Variants in FAM120B observed in about 807,000 individuals in gnomAD.
The protein encoded by FAM120B is family with sequence similarity 120 member B.
In FAM120B, 83 loss-of-function variants were observed where a neutral mutation model predicts 96.3. The observed-to-expected ratio is 0.86, with a 90% CI of 0.72 to 1.03. FAM120B has a LOEUF of 1.03. FAM120B is among the 50% of genes least tolerant of loss of function. The pLI is 0.00. For missense variants in FAM120B, 1,027 were observed against 1,121.2 expected (o/e 0.92, Z 1.20); for synonymous variants, 407 against 402.7 (o/e 1.01, Z -0.13).
chr6:170,332,773 C>T (rs979419196), intron 4 of FAM120B, among the ~76,000 whole-genome samples: 4 of 152,190 alleles, frequency 2.6e-5, no homozygotes, highest in East Asian at 3.9e-4. Context: ...AGGTTCTTGT[C>T]GCACCATTAG....
chr6:170,305,981 C>T (rs1784266441), upstream of FAM120B, among the ~76,000 whole-genome samples: 1 of 152,178 alleles, frequency 6.6e-6, no homozygotes, highest in Non-Finnish European at 1.5e-5. Context: ...CCTGTCCCCG[C>T]CACCATGTAT....
intron 2 of FAM120B, among the ~76,000 whole-genome samples, chr6:170,320,597 AG>A (rs1224593763): frequency 1.3e-5 from 2 of 152,234 alleles, no homozygotes; most frequent in Admixed American, 6.5e-5. Flanking sequence ...GAAGGAGGAA[AG>A]GTTTTACAGG....
Position 170,406,268 on chromosome 6 carries a change from T to C in FAM120B, c.*1517T>C, listed in dbSNP as rs1487077487. 2 of 152,214 alleles carry C rather than the reference T, an allele frequency of 1.3e-5. No homozygotes were observed. Among genetic ancestry groups the C allele is most frequent in the Non-Finnish European group, 2.9e-5 (2 of 68,064 alleles). 9.4% of individuals were successfully genotyped at this position (152,214 alleles called of 1,614,324 possible). ...AAGAAAAGCTGGTGGTGACCCCTGC[T>C]CCTGCTGGGCCATGCCATGGCTCTG... On this transcript the variant is annotated 3_prime_UTR_variant, in exon 11 of 11. Coordinates refer to ENST00000476287, the MANE Select transcript of FAM120B (RefSeq NM_032448.3).
chr6:170,362,195 G>T (rs146080124), intron 6 of FAM120B, among the ~76,000 whole-genome samples: 16 of 152,314 alleles, frequency 1.1e-4, no homozygotes, highest in Admixed American at 9.1e-4. Flanking sequence ...CAACTTGAAG[G>T]GGGGAGGTAG....
rs965347282 is a variant in FAM120B, at chr6:170,295,674, C to T, written c.48+221C>T. 3.3e-5 allele frequency among the ~76,000 whole-genome samples: 5 copies of T among 152,150 alleles called. No homozygotes were observed. The highest frequency in any genetic ancestry group is 5.9e-5 in the Non-Finnish European group (4 of 68,006). ...CGCTGGAGACCCGGCGAGTGACTTC[C>T]CCGGTGCGGCCGGGTCCCGGCGCCA... is the stretch of plus-strand genomic sequence containing the variant. On this transcript the variant is annotated intron_variant, in intron 1 of 10. Transcript: ENST00000537664. The surrounding 1 kb of genome is among the most constrained non-coding windows in gnomAD (Gnocchi z 7.8).
intron 4 of FAM120B, among the ~76,000 whole-genome samples, chr6:170,336,597 C>G (rs1382904938): frequency 6.6e-6 from 1 of 152,162 alleles, no homozygotes. Flanking sequence ...GTGGGAATAG[C>G]ATTGAATCTA....
chr6:170,321,137 C>T (rs1413183908), intron 2 of FAM120B, among the ~76,000 whole-genome samples: 1 of 152,198 alleles, frequency 6.6e-6, no homozygotes, highest in African/African-American at 2.4e-5. Context: ...ATGGATTGAA[C>T]TTAATTGTAT....
intron 8 of FAM120B, among the ~76,000 whole-genome samples, chr6:170,392,705 G>A (rs892410101): frequency 1.3e-5 from 2 of 152,158 alleles, no homozygotes; most frequent in Admixed American, 6.5e-5. Context: ...CTTGGTGTCA[G>A]CCTTGCAAAT....
intron 1 of FAM120B, among the ~76,000 whole-genome samples, chr6:170,316,032 C>T (rs866288015): frequency 1.7e-5 from 2 of 116,354 alleles, no homozygotes; most frequent in African/African-American, 3.5e-5. Flanking sequence ...GCACTCCAGA[C>T]GAGGCAACAG....
intron 5 of FAM120B, among the ~76,000 whole-genome samples, chr6:170,355,365 A>C (rs920261219): frequency 9.9e-5 from 15 of 152,226 alleles, no homozygotes; most frequent in Admixed American, 4.6e-4. Flanking sequence ...GTACATATAC[A>C]CCATGGAATA....
rs781512945 is a variant in FAM120B at position 170,348,293 on chromosome 6, G to A, written c.2160G>A (p.Leu720=). ...LQAVESPFQA[L]CCLLIYLFVQ... ...CTGTCGAAAGCCCATTTCAAGCTTT[G>A]TGCTGCCTCTTGATCTACCTCTTTG... Residue 720 remains leucine (L), a synonymous_variant, in exon 5 of 11, where the codon TTG becomes TTA. Transcript: ENST00000476287. 7 of 1,613,406 alleles carry A rather than the reference G, an allele frequency of 4.3e-6. No homozygotes were observed. The highest frequency in any genetic ancestry group is 1.7e-5 in the Admixed American group (1 of 59,990).
chr6:170,382,771 AT>A (rs1789986077), intron 6 of FAM120B, among the ~76,000 whole-genome samples: 1 of 152,212 alleles, frequency 6.6e-6, no homozygotes, highest in East Asian at 1.9e-4. Context: ...CCAGCAAGGT[AT>A]TTTTTTGTAG....
chr6:170,302,954 G>A (rs1562506470), upstream of FAM120B, among the ~76,000 whole-genome samples: 1 of 152,194 alleles, frequency 6.6e-6, no homozygotes, highest in African/African-American at 2.4e-5. Flanking sequence ...CTTTGCTGTA[G>A]TGTACTGTAG....
chr6:170,367,719 G>A (rs929621574), intron 6 of FAM120B, among the ~76,000 whole-genome samples: 12 of 152,246 alleles, frequency 7.9e-5, no homozygotes, highest in African/African-American at 2.7e-4. Context: ...GAGGGCTTTG[G>A]TAGTTAGTTT....
intron 5 of FAM120B, among the ~76,000 whole-genome samples, chr6:170,351,253 A>T (rs972562359): frequency 2.0e-5 from 3 of 152,206 alleles, no homozygotes; most frequent in South Asian, 4.1e-4. Context: ...GAGACAAAAG[A>T]ATTAAAAGGA....
At chr6:170,296,579 C>T (rs1197443440) in intron 1 of FAM120B, among the ~76,000 whole-genome samples, 3 of 151,880 alleles carry the variant, frequency 2.0e-5, no homozygotes, top group East Asian at 1.9e-4. Context: ...GCAGCCGGCC[C>T]GGCCCCGGGC....
At chr6:170,333,663 T>A (rs1174672785) in intron 4 of FAM120B, among the ~76,000 whole-genome samples, 7 of 152,020 alleles carry the variant, frequency 4.6e-5, no homozygotes, top group Non-Finnish European at 8.8e-5. Flanking sequence ...TTTTTGTATT[T>A]TTAGTAGAGT....
At chr6:170,388,650 G>A (rs1464957863) in intron 7 of FAM120B, among the ~76,000 whole-genome samples, 157 bp downstream of exon 7, 1 of 152,172 alleles carries the variant, frequency 6.6e-6, no homozygotes, top group Non-Finnish European at 1.5e-5. Flanking sequence ...TTAGGCTTCT[G>A]CATCAACATA....
rs1361865821 is a variant in FAM120B at position 170,370,203 on chromosome 6, G to A, written c.2283+11885G>A. 2.6e-5 allele frequency among the ~76,000 whole-genome samples: 4 copies of A among 152,174 alleles called. No individual in the cohort carries two copies. The highest frequency in any genetic ancestry group is 5.9e-5 in the Non-Finnish European group (4 of 68,024). On this transcript the variant is annotated intron_variant, in intron 6 of 10. Coordinates refer to ENST00000476287, the MANE Select transcript of FAM120B (RefSeq NM_032448.3). The surrounding 1 kb of genome is among the most constrained non-coding windows in gnomAD (Gnocchi z 4.3). ...ACCTCACAGACTTCCCCAGCGGGGC[G>A]GCCCCCAGGCCTTGTGTCCTCCTGC...
Sources: allele counts gnomAD v4.1 joint callset (sites outside exome capture counted in the v4.1 genomes callset), GRCh38; gene constraint gnomAD v4.1.1; non-coding constraint Gnocchi (gnomAD v3.1); transcripts MANE v1.5; gene names NCBI Gene and HGNC (gene_info 2026-07-23, HGNC 2026-07-21).